The following RTF1 variants were observed in gnomAD, a reference collection of about 807,000 sequenced individuals.
RTF1 encodes the protein RTF1 homolog, Paf1/RNA polymerase II complex component.
A neutral mutation model predicts 95.7 loss-of-function variants in RTF1; 10 were observed. The ratio of observed to expected loss-of-function variants is 0.10; its 90% CI spans 0.06 to 0.18. The LOEUF (loss-of-function observed/expected upper bound fraction) is 0.18, where lower values mean the gene tolerates loss of function less well. Among genes scored for constraint, RTF1 ranks in the 10% least tolerant of loss-of-function variants. RTF1 has a pLI of 1.00. For missense variants in RTF1, 458 were observed against 875.6 expected (o/e 0.52, Z 6.02); for synonymous variants, 305 against 311.8 (o/e 0.98, Z 0.23).
chr15:41,482,280 G>C lies in RTF1; in HGVS notation c.*1593G>C, dbSNP rs1264068159. On this transcript the variant is annotated 3_prime_UTR_variant, in exon 18 of 18. Coordinates refer to ENST00000389629, the MANE Select transcript of RTF1 (RefSeq NM_015138.5). Reference sequence around the variant, plus strand: ...AAAGCTCCAAGTGTAAATAAAAGTGGCATTTAACAAATCTTTCAGAACAAA... The same window carrying C: ...AAAGCTCCAAGTGTAAATAAAAGTGCCATTTAACAAATCTTTCAGAACAAA... 1 of 152,594 alleles carries C rather than the reference G, an allele frequency of 6.6e-6. No homozygotes were observed. The highest frequency in any genetic ancestry group is 1.9e-4 in the East Asian group (1 of 5,196). 9.5% of individuals were successfully genotyped at this position (152,594 alleles called of 1,614,324 possible).
intron 5 of RTF1, among the ~76,000 whole-genome samples, chr15:41,465,126 C>A (rs1355263214): frequency 6.6e-6 from 1 of 150,720 alleles, no homozygotes; most frequent in Non-Finnish European, 1.5e-5. Flanking sequence ...TTTCTTTTTC[C>A]CTTTTCTTCC....
chr15:41,455,906 A>G (rs910782900), intron 3 of RTF1, among the ~76,000 whole-genome samples: 3 of 151,736 alleles, frequency 2.0e-5, no homozygotes, highest in Middle Eastern at 3.2e-3. Context: ...AGAAATCACC[A>G]CTAAAGAACT....
intron 4 of RTF1, among the ~76,000 whole-genome samples, chr15:41,458,797 TGTG>T (rs1482272707): frequency 6.7e-6 from 1 of 150,240 alleles, no homozygotes; most frequent in Non-Finnish European, 1.5e-5. Flanking sequence ...ACAGGCCAAG[TGTG>T]GTGGCTCACA....
chr15:41,480,739 C>G lies in RTF1; in HGVS notation c.*52C>G. On this transcript the variant is annotated 3_prime_UTR_variant, in exon 18 of 18. Coordinates refer to ENST00000389629, the MANE Select transcript of RTF1 (RefSeq NM_015138.5). Reference sequence around the variant, plus strand: ...CTGCATGCCCCATCGCAGCGTCCCACCTTTCCTCCTTTCCTTTGATTTAGC... The same window carrying G: ...CTGCATGCCCCATCGCAGCGTCCCAGCTTTCCTCCTTTCCTTTGATTTAGC... 1 of 1,257,668 alleles carries G rather than the reference C, an allele frequency of 8.0e-7. No individual in the cohort carries two copies. The highest frequency in any genetic ancestry group is 1.2e-6 in the Non-Finnish European group (1 of 858,328). The allele number at this position is 1,257,668 out of a possible 1,614,324, so 77.9% of individuals were successfully genotyped here. A position where few individuals can be genotyped will look rare whatever the true frequency, so the allele number is the denominator to read the frequency against.
chr15:41,454,593 A>C (rs1455369329), intron 3 of RTF1, among the ~76,000 whole-genome samples: 2 of 152,194 alleles, frequency 1.3e-5, no homozygotes, highest in Admixed American at 1.3e-4. Context: ...TTACACAAAG[A>C]GGAAAAGGTG....
chr15:41,456,907 A>G (rs1439784420), intron 3 of RTF1, among the ~76,000 whole-genome samples: 4 of 151,860 alleles, frequency 2.6e-5, no homozygotes, highest in African/African-American at 9.7e-5. Flanking sequence ...AACACGGTGA[A>G]ACCCCATCTC....
chr15:41,457,920 T>A, intron 4 of RTF1, 44 bp downstream of exon 4: 1 of 1,412,192 alleles, frequency 7.1e-7, no homozygotes, highest in Non-Finnish European at 9.7e-7. Context: ...CCCCACCTTT[T>A]CTGTTCATCT....
At chr15:41,470,644 CATTTTCT>C (rs2050905578) in intron 7 of RTF1, among the ~76,000 whole-genome samples, 1 of 132,524 alleles carries the variant, frequency 7.5e-6, no homozygotes, top group African/African-American at 2.8e-5. Flanking sequence ...AGCTTTCATT[CATTTTCT>C]TTTTTTTTTT....
At chr15:41,423,857 A>G (rs1423716896) in intron 1 of RTF1, among the ~76,000 whole-genome samples, 2 of 151,998 alleles carry the variant, frequency 1.3e-5, no homozygotes, top group East Asian at 1.9e-4. Flanking sequence ...GGTTCAAGCA[A>G]TTATCCTGCC....
At chr15:41,468,715 A>C (rs2050894623) in intron 6 of RTF1, among the ~76,000 whole-genome samples, 1 of 152,144 alleles carries the variant, frequency 6.6e-6, no homozygotes, top group African/African-American at 2.4e-5. Context: ...TTCGTTTACC[A>C]GTTTTTGAAA....
chr15:41,478,426 G>A (rs1434353382), intron 14 of RTF1, 122 bp from the exon 15 acceptor site: 7 of 725,658 alleles, frequency 9.6e-6, no homozygotes, highest in Admixed American at 2.6e-5. Context: ...AAAAAAAAAA[G>A]GAAAAGGATA....
chr15:41,456,261 C>T (rs1035135298), intron 3 of RTF1, among the ~76,000 whole-genome samples: 23 of 150,482 alleles, frequency 1.5e-4, no homozygotes, highest in African/African-American at 5.4e-4. Context: ...CTGAGGTCGG[C>T]GGATCATGAG....
chr15:41,470,815 C>T lies in RTF1; in HGVS notation c.1026-357C>T, dbSNP rs187534088. ...CTGGGACTATAGGCGCCCGCCACTA[C>T]GCCCGGCTAATTTTTTGTATTTTTA... is the stretch of plus-strand genomic sequence containing the variant. On this transcript the variant is annotated intron_variant, in intron 7 of 17. Transcript: ENST00000389629. 1.9e-3 allele frequency among the ~76,000 whole-genome samples: 290 copies of T among 152,050 alleles called. 1 individual carries two copies. Among genetic ancestry groups the T allele is most frequent in the African/African-American group, 6.8e-3 (281 of 41,496 alleles).
chr15:41,463,046 T>C (rs774285625), intron 4 of RTF1, among the ~76,000 whole-genome samples: 7 of 152,242 alleles, frequency 4.6e-5, no homozygotes, highest in Non-Finnish European at 8.8e-5. Context: ...TTAGCCACCA[T>C]GGCCGACCTG....
In RTF1 at chr15:41,473,287, CCAT is replaced by C. The variant is rs372923600; in HGVS notation, c.1204-1332_1204-1330del. 2.4e-3 allele frequency among the ~76,000 whole-genome samples: 368 copies of C among 151,982 alleles called. 1 individual carries two copies. The highest frequency in any genetic ancestry group is 8.4e-3 in the African/African-American group (349 of 41,468). ...TAGCTGGGACTACAGGCGCCCACCACCATGCCAGCTAATTTTTTGTATTTTTAG... is the reference window on the plus strand; with the variant it reads ...TAGCTGGGACTACAGGCGCCCACCACGCCAGCTAATTTTTTGTATTTTTAG... On this transcript the variant is annotated intron_variant, in intron 8 of 17. Transcript: ENST00000389629.
chr15:41,417,127 C>G lies in RTF1; in HGVS notation c.12C>G (p.Arg4=), dbSNP rs899343288. 1 of 1,250,260 alleles carries G rather than the reference C, an allele frequency of 8.0e-7. No individual in the cohort carries two copies. The highest frequency in any genetic ancestry group is 1.0e-6 in the Non-Finnish European group (1 of 993,570). 77.4% of individuals were successfully genotyped at this position (1,250,260 alleles called of 1,614,324 possible). ...GGAGCGGAGCGCGCATGCGCGGTCG[C>G]CTTTGTGTGGGTCGAGCAGCGGCGG... MRG[R]LCVGRAAAAA... Residue 4 remains arginine (R), a synonymous_variant, in exon 1 of 18, where the codon CGC becomes CGG. Transcript: ENST00000389629.
At chr15:41,471,465 G>A in intron 8 of RTF1, 116 bp downstream of exon 8, 2 of 1,070,200 alleles carry the variant, frequency 1.9e-6, no homozygotes, top group South Asian at 3.4e-5. Flanking sequence ...ATGGAAAGTA[G>A]ACTCCAAGTG....
rs370533193 is a variant in RTF1 at position 41,480,185 on chromosome 15, T to C, written c.1915-29T>C. On this transcript the variant is annotated intron_variant, in intron 16 of 17. Coordinates refer to ENST00000389629, the MANE Select transcript of RTF1 (RefSeq NM_015138.5). ...TGAAATCCACTTGCATTTATGCTCT[T>C]ACCATTAGCTTTCCTCTTCACATTC... 5.7e-6 allele frequency: 8 copies of C among 1,404,628 alleles called. No homozygotes were observed. In the African/African-American group the frequency reaches 8.5e-5, roughly 15 times the overall value. 87.0% of individuals were successfully genotyped at this position (1,404,628 alleles called of 1,614,324 possible).
At chr15:41,425,235 G>A (rs1340413737) in intron 1 of RTF1, among the ~76,000 whole-genome samples, 1 of 152,022 alleles carries the variant, frequency 6.6e-6, no homozygotes, top group African/African-American at 2.4e-5. Context: ...CCGAGTAGCT[G>A]GGACTATAGG....
Sources: allele counts gnomAD v4.1 joint callset (sites outside exome capture counted in the v4.1 genomes callset), GRCh38; gene constraint gnomAD v4.1.1; transcripts MANE v1.5; gene names NCBI Gene and HGNC (gene_info 2026-07-23, HGNC 2026-07-21).